TACC2: variants seen among roughly 807,000 people sequenced by gnomAD.
TACC2 encodes transforming acidic coiled-coil-containing protein 2.
Under a neutral mutation model 227.3 loss-of-function variants are expected in TACC2, and 137 were observed. That is an observed-to-expected ratio of 0.60 (90% confidence interval 0.52 to 0.69). The LOEUF (loss-of-function observed/expected upper bound fraction) is 0.69. TACC2 is among the 30% of genes least tolerant of loss of function. TACC2 has a pLI of 0.00. For synonymous variants in TACC2, 1,523 were observed against 1,487.5 expected, an observed-to-expected ratio of 1.02 and a Z score of -0.55; for missense variants, 3,470 against 3,694.4, an observed-to-expected ratio of 0.94 and a Z score of 1.57.
intron 2 of TACC2, among the ~76,000 whole-genome samples, chr10:122,024,193 C>G (rs1957705808): frequency 6.6e-6 from 1 of 152,010 alleles, no homozygotes; most frequent in Non-Finnish European, 1.5e-5. Flanking sequence ...CATAGGGAGA[C>G]CCCATCTCTA....
chr10:122,042,405 G>A (rs575183292), intron 2 of TACC2, among the ~76,000 whole-genome samples: 1 of 152,100 alleles, frequency 6.6e-6, no homozygotes, highest in Non-Finnish European at 1.5e-5. Flanking sequence ...ACCATGCCCA[G>A]CTAATTTTTC....
chr10:122,156,013 A>G lies in TACC2; in HGVS notation c.5834+12307A>G, dbSNP rs181651264. Among the ~76,000 whole-genome samples the G allele has an allele frequency of 2.3e-3, 344 of 148,926 alleles. 5 individuals are homozygous for G. Among genetic ancestry groups the G allele is most frequent in the Admixed American group, 0.019 (279 of 14,934 alleles). On this transcript the variant is annotated intron_variant, in intron 7 of 22. Transcript: ENST00000369005. The stretch of plus-strand genomic sequence containing the variant: ...CCACCACGCCCGGCTAATTTTTTGT[A>G]TTTTTAGTAGAGACGAGGTTTCACC...
At chr10:122,072,272 A>T (rs556897263) in intron 3 of TACC2, among the ~76,000 whole-genome samples, 5 of 151,558 alleles carry the variant, frequency 3.3e-5, no homozygotes, top group Admixed American at 3.3e-4. Context: ...AACTCTTTAG[A>T]ATCTACACAT....
rs1885515 is a variant in TACC2 at position 122,161,401 on chromosome 10, G to A, written c.5834+17695G>A. ...TCCTTTATGGTACTATACTTGGGGG[G>A]AAATTTTTTCTTATAAATAAGAATC... is the stretch of plus-strand genomic sequence containing the variant. On this transcript the variant is annotated intron_variant, in intron 7 of 22. Coordinates refer to ENST00000369005, the MANE Select transcript of TACC2 (RefSeq NM_206862.4). Among the ~76,000 whole-genome samples the A allele has an allele frequency of 2.1e-3, 322 of 152,310 alleles. 1 individual carries two copies. Among genetic ancestry groups the A allele is most frequent in the African/African-American group, 7.3e-3 (304 of 41,566 alleles).
rs1372095023 is a variant in TACC2, at chr10:122,084,964, C to A, written c.2464C>A (p.Pro822Thr). ...GWIRGAASEW[P>T]LLSSEKHLQP... ...GATAAGAGGAGCTGCATCCGAGTGG[C>A]CCCTACTATCTTCTGAGAAGCATCT... is the stretch of plus-strand genomic sequence containing the variant. Residue 822 changes from proline to threonine, a missense_variant, in exon 4 of 23, where the codon CCC becomes ACC. Around this residue, in one of 10 missense-constraint regions of TACC2, gnomAD observed 1,924 missense variants for 1,978.3 expected, o/e 0.97. Transcript: ENST00000369005. 1.2e-6 allele frequency: 2 copies of A among 1,614,154 alleles called. No individual in the cohort carries two copies. Among genetic ancestry groups the A allele is most frequent in the Middle Eastern group, 1.7e-4 (1 of 6,060 alleles).
Position 122,210,657 on chromosome 10 carries a change from A to C in TACC2, c.6232A>C (p.Ile2078Leu). Residue 2078 changes from isoleucine (I) to leucine (L), a missense_variant, in exon 9 of 23, where the codon ATC (isoleucine) becomes CTC (leucine). Physicochemically the swap from Ile to Leu is conservative, Grantham distance 5. Transcript: ENST00000369005. The surrounding 1 kb of genome is among the most constrained non-coding windows in gnomAD (Gnocchi z 4.6). Reference protein sequence around the residue: ...TRRKSTDSVPISKSTLSRSLS... With the variant: ...TRRKSTDSVPLSKSTLSRSLS... ...GAGGAAGTCCACGGATTCCGTCCCC[A>C]TCTCTAAGTCTACACTGTCCCGGTC... is the stretch of plus-strand genomic sequence containing the variant. 1 of 1,613,902 alleles carries C rather than the reference A, an allele frequency of 6.2e-7. No individual in the cohort carries two copies. The highest frequency in any genetic ancestry group is 1.3e-5 in the African/African-American group (1 of 74,902).
chr10:122,211,658 C>T lies in TACC2; in HGVS notation c.7233C>T (p.Asp2411=), dbSNP rs763545893. ...GTGCTATGGAAGCCAATGGAGTGGA[C>T]GGGGATGGGCTAAACAAGCCCGCCA... The part of the protein sequence containing the change: ...PASAMEANGV[D]GDGLNKPAKK... The change falls in exon 9 of 23, where the codon GAC becomes GAT. Residue 2411 remains aspartate (D), a synonymous_variant. Coordinates refer to ENST00000369005, the MANE Select transcript of TACC2 (RefSeq NM_206862.4). The T allele has an allele frequency of 6.7e-5, 106 of 1,590,280 alleles. No homozygotes were observed. Among genetic ancestry groups the T allele is most frequent in the Non-Finnish European group, 8.4e-5 (98 of 1,172,344 alleles).
At chr10:122,002,507 T>C (rs1484323145) in intron 1 of TACC2, among the ~76,000 whole-genome samples, 1 of 152,176 alleles carries the variant, frequency 6.6e-6, no homozygotes, top group Admixed American at 6.5e-5. Flanking sequence ...AATTAAGGTG[T>C]TCTTCTGCCT....
chr10:122,006,665 T>A (rs891802444), intron 1 of TACC2, among the ~76,000 whole-genome samples: 8 of 152,116 alleles, frequency 5.3e-5, no homozygotes, highest in African/African-American at 1.9e-4. Context: ...TCAGGTATTT[T>A]CCTGTTTCTA....
intron 5 of TACC2, among the ~76,000 whole-genome samples, chr10:122,113,944 C>G (rs542224142): frequency 6.6e-6 from 1 of 152,384 alleles, no homozygotes; most frequent in African/African-American, 2.4e-5. Context: ...CCGAATACAC[C>G]ACGCTGTGGC....
intron 7 of TACC2, among the ~76,000 whole-genome samples, chr10:122,179,581 G>A (rs539226780): frequency 6.6e-6 from 1 of 152,240 alleles, no homozygotes; most frequent in Admixed American, 6.5e-5. Context: ...AGGCGAGCAA[G>A]CTCCATACCC....
At chr10:122,021,766 C>A (rs554892728) in intron 1 of TACC2, among the ~76,000 whole-genome samples, 171 bp from the exon 2 acceptor site, 1 of 152,280 alleles carries the variant, frequency 6.6e-6, no homozygotes, top group East Asian at 1.9e-4. Flanking sequence ...GGAAAGAAAC[C>A]TGGGTGGCAG....
At chr10:122,109,133 C>CT (rs147570794) in intron 5 of TACC2, among the ~76,000 whole-genome samples, 39,244 of 151,998 alleles carry the variant, frequency 0.26, 5,611 homozygotes, top group Middle Eastern at 0.34. Flanking sequence ...GTACAAGTAT[C>CT]TTTTTTCATG....
chr10:122,040,263 G>C (rs2074084209), intron 2 of TACC2, among the ~76,000 whole-genome samples: 2 of 152,184 alleles, frequency 1.3e-5, no homozygotes, highest in South Asian at 4.1e-4. Context: ...CCAGCCAAGG[G>C]GGGCATCACC....
At chr10:122,025,370 C>T (rs1957852804) in intron 2 of TACC2, among the ~76,000 whole-genome samples, 1 of 103,838 alleles carries the variant, frequency 9.6e-6, no homozygotes, top group African/African-American at 3.5e-5. Flanking sequence ...AAGCAATTCT[C>T]CTGCCTCAGC....
chr10:122,192,834 T>C (rs1354802342), intron 7 of TACC2: 1 of 452,916 alleles, frequency 2.2e-6, no homozygotes, highest in African/African-American at 2.0e-5. Flanking sequence ...GTGTTGCTCA[T>C]GATGGTGCAG....
At chr10:122,192,972 A>T (rs1487101645) in intron 7 of TACC2, among the ~76,000 whole-genome samples, 3 of 152,122 alleles carry the variant, frequency 2.0e-5, no homozygotes, top group Non-Finnish European at 4.4e-5. Flanking sequence ...TTTGTTTTCC[A>T]CACCGATAAA....
At chr10:122,233,943 C>G (rs2095808095) in intron 16 of TACC2, among the ~76,000 whole-genome samples, 1 of 152,178 alleles carries the variant, frequency 6.6e-6, no homozygotes, top group Non-Finnish European at 1.5e-5. Flanking sequence ...GCGGAGGCCA[C>G]TCTCCTGCGC....
At chr10:122,033,041 C>A in intron 2 of TACC2, 1 of 1,128,024 alleles carries the variant, frequency 8.9e-7, no homozygotes, top group Non-Finnish European at 1.2e-6. Context: ...GATTGTCCAT[C>A]TGGTCCTGTT....
Sources: allele counts gnomAD v4.1 joint callset (sites outside exome capture counted in the v4.1 genomes callset), GRCh38; gene constraint gnomAD v4.1.1; regional missense constraint gnomAD v4.1.1; non-coding constraint Gnocchi (gnomAD v3.1); transcripts MANE v1.5; gene names NCBI Gene and HGNC (gene_info 2026-07-23, HGNC 2026-07-21).